Variants in MTPN observed in about 807,000 individuals in gnomAD.
MTPN encodes the protein granule cell differentiation protein.
A neutral mutation model predicts 13.5 loss-of-function variants in MTPN; 2 were observed. That is an observed-to-expected ratio of 0.15 (90% CI 0.06 to 0.47). The LOEUF is 0.47. MTPN is among the 20% of genes least tolerant of loss of function. The probability of loss-of-function intolerance (pLI) is 0.97; values close to 1 mark genes in which losing one functional copy is unlikely to be tolerated. For missense variants in MTPN, 79 were observed against 137.9 expected, an observed-to-expected ratio of 0.57 and a Z score of 2.14; for synonymous variants, 46 against 51.7, an observed-to-expected ratio of 0.89 and a Z score of 0.48.
intron 1 of MTPN, among the ~76,000 whole-genome samples, chr7:135,971,157 T>A (rs1799687880): frequency 6.6e-6 from 1 of 151,954 alleles, no homozygotes; most frequent in African/African-American, 2.4e-5. Context: ...CCTATTAGAG[T>A]GTCAACGGCA....
At chr7:135,967,953 T>C (rs1308246002) in intron 1 of MTPN, among the ~76,000 whole-genome samples, 1 of 152,142 alleles carries the variant, frequency 6.6e-6, no homozygotes, top group Non-Finnish European at 1.5e-5. Context: ...AAGTGTTTAC[T>C]ACCTACAATT....
At chr7:135,949,289 T>C (rs1799328672) in intron 3 of MTPN, among the ~76,000 whole-genome samples, 1 of 152,184 alleles carries the variant, frequency 6.6e-6, no homozygotes, top group African/African-American at 2.4e-5. Context: ...GATGAAATTA[T>C]CTAGCAGTAT....
chr7:135,946,924 G>T (rs188865827), intron 3 of MTPN, among the ~76,000 whole-genome samples: 4 of 152,124 alleles, frequency 2.6e-5, no homozygotes, highest in Admixed American at 2.6e-4. Context: ...TCACTCCTCT[G>T]CTGCTGCTAC....
At chr7:135,958,970 G>A (rs974298684) in intron 1 of MTPN, among the ~76,000 whole-genome samples, 6 of 152,068 alleles carry the variant, frequency 3.9e-5, no homozygotes, top group Non-Finnish European at 7.4e-5. Flanking sequence ...CCTGATAAGT[G>A]TTATAAACCA....
chr7:135,935,243 CTT>C (rs35519952), intron 3 of MTPN, among the ~76,000 whole-genome samples: 7 of 144,870 alleles, frequency 4.8e-5, no homozygotes, highest in East Asian at 2.0e-4. Flanking sequence ...TGATTTCTTT[CTT>C]TTTTTTTTTT....
At chr7:135,954,298 T>G (rs1799407700) in intron 1 of MTPN, among the ~76,000 whole-genome samples, 1 of 152,246 alleles carries the variant, frequency 6.6e-6, no homozygotes, top group East Asian at 1.9e-4. Flanking sequence ...AGACAAAAGA[T>G]TATTCAAAAT....
At chr7:135,950,405 C>T (rs1378132410) in intron 3 of MTPN, among the ~76,000 whole-genome samples, 194 bp downstream of exon 3, 5 of 152,138 alleles carry the variant, frequency 3.3e-5, no homozygotes, top group African/African-American at 1.2e-4. Flanking sequence ...TTTATATTCA[C>T]CCAAGCTCCT....
chr7:135,950,538 A>G (rs1042920105), intron 3 of MTPN, 61 bp downstream of exon 3: 4 of 1,293,928 alleles, frequency 3.1e-6, no homozygotes, highest in Admixed American at 3.9e-5. Context: ...TAAATTAACA[A>G]TCAAATACTT....
At chr7:135,935,833 G>T (rs1489200809) in intron 3 of MTPN, among the ~76,000 whole-genome samples, 1 of 151,816 alleles carries the variant, frequency 6.6e-6, no homozygotes, top group South Asian at 2.1e-4. Context: ...TGTTGCTTCT[G>T]CTTGGGATGG....
intron 3 of MTPN, among the ~76,000 whole-genome samples, chr7:135,947,386 T>TA (rs769520068): frequency 1.3e-5 from 2 of 152,120 alleles, no homozygotes; most frequent in African/African-American, 2.4e-5. Context: ...AAGGTTTCCT[T>TA]ATCATTTCTT....
intron 1 of MTPN, among the ~76,000 whole-genome samples, chr7:135,972,404 G>A (rs921232774): frequency 6.6e-6 from 1 of 152,164 alleles, no homozygotes; most frequent in South Asian, 2.1e-4. Flanking sequence ...ACTGTGGTAA[G>A]AAGCAAATAA....
intron 1 of MTPN, among the ~76,000 whole-genome samples, chr7:135,961,979 T>C (rs1799530507): frequency 6.6e-6 from 1 of 152,002 alleles, no homozygotes; most frequent in Non-Finnish European, 1.5e-5. Context: ...AAAATAGCAC[T>C]GTACAGAGAG....
At chr7:135,941,729 A>G (rs1487409854) in intron 3 of MTPN, among the ~76,000 whole-genome samples, 1 of 152,208 alleles carries the variant, frequency 6.6e-6, no homozygotes, top group African/African-American at 2.4e-5. Flanking sequence ...TATGATTTTA[A>G]TATCACTATA....
chr7:135,945,978 A>T (rs1233716591), intron 3 of MTPN, among the ~76,000 whole-genome samples: 1 of 152,200 alleles, frequency 6.6e-6, no homozygotes, highest in Non-Finnish European at 1.5e-5. Context: ...ATAATAATAA[A>T]ATAGAACAAC....
At chr7:135,959,936 C>T (rs957099959) in intron 1 of MTPN, among the ~76,000 whole-genome samples, 2 of 151,930 alleles carry the variant, frequency 1.3e-5, no homozygotes, top group Non-Finnish European at 2.9e-5. Context: ...TTCCTCTTTA[C>T]AATGCCAAGT....
In MTPN at chr7:135,927,433, T is replaced by C. The variant is rs1331952301; in HGVS notation, c.*2493A>G. ...CTGTTTGTACTTGATATAGTGCATA[T>C]GAAATGACTGATTTAATACAAAACT... On this transcript the variant is annotated 3_prime_UTR_variant, in exon 4 of 4. Transcript: ENST00000393085. 8 of 1,537,498 alleles carry C rather than the reference T, an allele frequency of 5.2e-6. No individual in the cohort carries two copies. The South Asian group carries it at 6.2e-5, about 12-fold the overall frequency.
intron 1 of MTPN, among the ~76,000 whole-genome samples, chr7:135,972,231 G>GCGCACACACACA (rs779296906): frequency 1.0e-3 from 130 of 124,712 alleles, no homozygotes; most frequent in African/African-American, 3.6e-3. Context: ...GCACGCGCGC[G>GCGCACACACACA]CACACACACA....
At chr7:135,972,155 G>T (rs1799702297) in intron 1 of MTPN, among the ~76,000 whole-genome samples, 1 of 149,818 alleles carries the variant, frequency 6.7e-6, no homozygotes, top group South Asian at 2.1e-4. Flanking sequence ...CTAAAGTGTT[G>T]TTAGCAAAAA....
intron 1 of MTPN, among the ~76,000 whole-genome samples, chr7:135,954,617 T>C (rs982050279): frequency 6.6e-6 from 1 of 152,152 alleles, no homozygotes; most frequent in South Asian, 2.1e-4. Flanking sequence ...AATAAGATCT[T>C]TGTCAAAGAT....
Sources: gnomAD v4.1 joint callset for allele counts (sites outside exome capture counted in the v4.1 genomes callset) on GRCh38, gnomAD v4.1.1 for gene constraint, MANE v1.5 for transcripts, NCBI Gene and HGNC (gene_info 2026-07-23, HGNC 2026-07-21) for gene names.